CRACDL: variants seen among roughly 807,000 people sequenced by gnomAD.
CRACDL encodes the protein CRACD like.
CRACDL carries 26 observed loss-of-function variants against 70.6 expected under a neutral mutation model. The ratio of observed to expected loss-of-function variants is 0.37; its 90% CI spans 0.27 to 0.51. The LOEUF is 0.51. CRACDL is among the 20% of genes least tolerant of loss of function. CRACDL has a pLI of 0.94. For missense variants in CRACDL, 1,283 were observed against 1,376.9 expected (o/e 0.93, Z 1.08); for synonymous variants, 618 against 615.2 (o/e 1.00, Z -0.07).
At chr2:98,809,678 A>C (rs1354034380) in intron 7 of CRACDL, 1 of 152,194 alleles carries the variant, frequency 6.6e-6, no homozygotes, top group Non-Finnish European at 1.5e-5. Flanking sequence ...TTGACTCCAC[A>C]GATCCTGCAA....
At chr2:98,919,502 A>C (rs1193801639) in intron 1 of CRACDL, among the ~76,000 whole-genome samples, 1 of 152,164 alleles carries the variant, frequency 6.6e-6, no homozygotes, top group African/African-American at 2.4e-5. Context: ...CATGTGTAGA[A>C]AGATGTTTTT....
chr2:98,834,802 A>G (rs764555280), intron 3 of CRACDL, among the ~76,000 whole-genome samples: 1 of 152,230 alleles, frequency 6.6e-6, no homozygotes, highest in Non-Finnish European at 1.5e-5. Context: ...TGGCATGACC[A>G]CACAGAGAAT....
chr2:98,795,428 G>A (rs1007128099), intron 9 of CRACDL, among the ~76,000 whole-genome samples: 1 of 152,036 alleles, frequency 6.6e-6, no homozygotes. Context: ...TCTTGAAGAT[G>A]CTATGCTCAG....
chr2:98,891,303 G>A (rs747649670), intron 1 of CRACDL, among the ~76,000 whole-genome samples: 9 of 144,954 alleles, frequency 6.2e-5, no homozygotes, highest in African/African-American at 1.3e-4. Context: ...CTTGAATGTC[G>A]GAGGCAGAGG....
chr2:98,904,011 G>A (rs920508978), intron 1 of CRACDL, among the ~76,000 whole-genome samples: 1 of 152,158 alleles, frequency 6.6e-6, no homozygotes, highest in Non-Finnish European at 1.5e-5. Context: ...GAGGGACACA[G>A]CCTCATGTAA....
chr2:98,896,146 A>G (rs1374619929), intron 1 of CRACDL, among the ~76,000 whole-genome samples: 1 of 152,040 alleles, frequency 6.6e-6, no homozygotes, highest in Non-Finnish European at 1.5e-5. Context: ...GGAGTAGGCC[A>G]ATTTGAGGAC....
At chr2:98,855,172 TGGGA>T (rs1451986465) in intron 1 of CRACDL, among the ~76,000 whole-genome samples, 1 of 151,490 alleles carries the variant, frequency 6.6e-6, no homozygotes, top group Admixed American at 6.6e-5. Context: ...CCCAGCTACT[TGGGA>T]GGCTGAGGCA....
intron 8 of CRACDL, among the ~76,000 whole-genome samples, chr2:98,796,563 A>AT (rs1205051725): frequency 6.6e-6 from 1 of 152,218 alleles, no homozygotes; most frequent in Non-Finnish European, 1.5e-5. Context: ...TTTAGAAATC[A>AT]TTTTGTGATT....
At chr2:98,925,692 G>A (rs1226390469) in intron 1 of CRACDL, among the ~76,000 whole-genome samples, 1 of 152,128 alleles carries the variant, frequency 6.6e-6, no homozygotes, top group East Asian at 1.9e-4. Context: ...TCCTGCCAAA[G>A]TGACTTCACT....
intron 1 of CRACDL, among the ~76,000 whole-genome samples, chr2:98,925,436 C>T (rs1372654423): frequency 6.6e-6 from 1 of 152,186 alleles, no homozygotes; most frequent in African/African-American, 2.4e-5. Context: ...CTTGTCTGTG[C>T]CTCAGTTTGC....
chr2:98,795,327 C>T (rs550560799), intron 9 of CRACDL, among the ~76,000 whole-genome samples: 16 of 151,950 alleles, frequency 1.1e-4, no homozygotes, highest in African/African-American at 3.9e-4. Flanking sequence ...CTGCCCGACT[C>T]GGCCTCCCAA....
chr2:98,892,554 G>T (rs1004429617), intron 1 of CRACDL, among the ~76,000 whole-genome samples: 3 of 151,848 alleles, frequency 2.0e-5, no homozygotes, highest in Non-Finnish European at 2.9e-5. Context: ...GCCGGGTGTG[G>T]CGGCAGGCAC....
At position 98,821,914 on chromosome 2, in the gene CRACDL, G is replaced by A; in HGVS notation, c.2359C>T (p.Arg787Trp). The A allele has an allele frequency of 1.3e-6, 2 of 1,594,832 alleles. No individual in the cohort carries two copies. Among genetic ancestry groups the A allele is most frequent in the Non-Finnish European group, 1.7e-6 (2 of 1,174,600 alleles). ...PAPPDAGPGE[R>W]EPRKEPRTAE... ...GTCCTGGGCTCCTTCCTGGGTTCCC[G>A]CTCTCCCGGGCCGGCGTCGGGGGGC... The change falls in exon 7 of 10, where the codon CGG becomes TGG. Residue 787 changes from arginine to tryptophan, a missense_variant. Arg to Trp is a moderately radical substitution (Grantham distance 101). Around this residue, in one of 2 missense-constraint regions of CRACDL, gnomAD observed 921 missense variants for 881.9 expected, o/e 1.04. Coordinates refer to ENST00000397899, the MANE Select transcript of CRACDL (RefSeq NM_207362.3).
chr2:98,830,136 T>C lies in CRACDL; in HGVS notation c.540+2212A>G, dbSNP rs1352609623. Among the ~76,000 whole-genome samples the C allele has an allele frequency of 3.9e-5, 6 of 152,242 alleles. No individual in the cohort carries two copies. The South Asian group carries it at 1.0e-3, about 26-fold the overall frequency. ...ACTCTACCTGGCATGTCCTGCTTCA[T>C]AGCAGGACAACTAGAATATGACCAG... On this transcript the variant is annotated intron_variant, in intron 5 of 9. Transcript: ENST00000397899.
intron 1 of CRACDL, among the ~76,000 whole-genome samples, chr2:98,928,506 T>C (rs1708990523): frequency 6.6e-6 from 1 of 152,104 alleles, no homozygotes; most frequent in Non-Finnish European, 1.5e-5. Flanking sequence ...GACTTCTTCG[T>C]GCTAATTGCT....
chr2:98,826,951 G>A, intron 6 of CRACDL, 24 bp downstream of exon 6: 4 of 1,588,640 alleles, frequency 2.5e-6, no homozygotes, highest in Non-Finnish European at 3.4e-6. Context: ...GCCTGCCTCT[G>A]TGTGGAGAAG....
intron 1 of CRACDL, among the ~76,000 whole-genome samples, chr2:98,930,074 A>G (rs1217594377): frequency 6.6e-6 from 1 of 152,068 alleles, no homozygotes; most frequent in South Asian, 2.1e-4. Context: ...AAGGCTGTTC[A>G]ACACACTCAC....
intron 1 of CRACDL, among the ~76,000 whole-genome samples, chr2:98,850,884 C>T (rs189797004): frequency 2.6e-5 from 4 of 152,202 alleles, no homozygotes; most frequent in African/African-American, 9.7e-5. Flanking sequence ...TATCATTAGT[C>T]TCAGCTTCTA....
At chr2:98,899,655 T>G (rs987515016) in intron 1 of CRACDL, among the ~76,000 whole-genome samples, 1 of 151,996 alleles carries the variant, frequency 6.6e-6, no homozygotes, top group Non-Finnish European at 1.5e-5. Flanking sequence ...AAGGCATCTA[T>G]GGAGGAAATG....
Sources: allele counts gnomAD v4.1 joint callset (sites outside exome capture counted in the v4.1 genomes callset), GRCh38; gene constraint gnomAD v4.1.1; regional missense constraint gnomAD v4.1.1; transcripts MANE v1.5; gene names NCBI Gene and HGNC (gene_info 2026-07-23, HGNC 2026-07-21).